NELL2: variants seen among roughly 807,000 people sequenced by gnomAD.
NELL2 encodes neural EGFL like 2, also known as protein kinase C-binding protein NELL2.
Under a neutral mutation model 109.6 loss-of-function variants are expected in NELL2, and 41 were observed. That is an observed-to-expected ratio of 0.37 (90% CI 0.29 to 0.49). The LOEUF (loss-of-function observed/expected upper bound fraction) is 0.49, where lower values mean the gene tolerates loss of function less well. NELL2 is among the 20% of genes least tolerant of loss of function. NELL2 has a pLI of 0.98. For synonymous variants in NELL2, 355 were observed against 344.7 expected (o/e 1.03, Z -0.33); for missense variants, 900 against 1,008.3 (o/e 0.89, Z 1.45).
intron 9 of NELL2, among the ~76,000 whole-genome samples, chr12:44,757,230 T>A (rs1371916118): frequency 6.6e-6 from 1 of 152,194 alleles, no homozygotes; most frequent in Non-Finnish European, 1.5e-5. Context: ...CACAGTCATT[T>A]CCTACCTCAA....
chr12:44,573,143 TC>T (rs1943936020), intron 15 of NELL2, among the ~76,000 whole-genome samples: 1 of 152,206 alleles, frequency 6.6e-6, no homozygotes, highest in Non-Finnish European at 1.5e-5. Context: ...TACAAGACGG[TC>T]CATCAGCTGA....
At chr12:44,623,390 C>CA (rs1946127129) in intron 13 of NELL2, among the ~76,000 whole-genome samples, 1 of 151,052 alleles carries the variant, frequency 6.6e-6, no homozygotes, top group Non-Finnish European at 1.5e-5. Context: ...AGAGTGAAAT[C>CA]TTTTTTTTTG....
At chr12:44,568,521 C>T (rs1439677251) in intron 15 of NELL2, among the ~76,000 whole-genome samples, 1 of 151,974 alleles carries the variant, frequency 6.6e-6, no homozygotes, top group Non-Finnish European at 1.5e-5. Context: ...TTTATCATAT[C>T]ATCACTATAA....
At chr12:44,609,212 A>C (rs1439670002) in intron 14 of NELL2, among the ~76,000 whole-genome samples, 2 of 152,058 alleles carry the variant, frequency 1.3e-5, no homozygotes, top group Middle Eastern at 3.4e-3. Context: ...GGCCCCCCAA[A>C]GTGCTAGGAT....
chr12:44,784,588 T>A (rs1026479932), intron 3 of NELL2, among the ~76,000 whole-genome samples: 3 of 152,050 alleles, frequency 2.0e-5, no homozygotes, highest in Non-Finnish European at 4.4e-5. Context: ...AAAAGAAAAT[T>A]TCAGGCCAAT....
chr12:44,510,478 CT>C lies in NELL2; in HGVS notation c.2401-1495del, dbSNP rs574967922. Among the ~76,000 whole-genome samples, 120 of 152,260 alleles carry C rather than the reference CT, an allele frequency of 7.9e-4. No individual in the cohort carries two copies. In the Middle Eastern group the frequency reaches 0.014, roughly 17 times the overall value. On this transcript the variant is annotated intron_variant, in intron 19 of 19. Coordinates refer to ENST00000429094, the MANE Select transcript of NELL2 (RefSeq NM_001145108.2). ...CTTTTGATGATTGAAATGCATTATA[CT>C]TTAATATGATAAAAACTGAAAGTGT... is the stretch of plus-strand genomic sequence containing the variant.
chr12:44,844,726 T>C (rs530165727), intron 2 of NELL2, among the ~76,000 whole-genome samples: 14 of 152,140 alleles, frequency 9.2e-5, no homozygotes, highest in African/African-American at 3.1e-4. Context: ...CAAATATAAG[T>C]ACATAAAATT....
intron 15 of NELL2, among the ~76,000 whole-genome samples, chr12:44,559,833 T>C (rs1403169983): frequency 6.6e-6 from 1 of 152,196 alleles, no homozygotes; most frequent in East Asian, 1.9e-4. Flanking sequence ...GTGGACTTAA[T>C]AGACATCTAC....
chr12:44,786,806 C>A (rs1375052257), intron 3 of NELL2, among the ~76,000 whole-genome samples: 2 of 152,076 alleles, frequency 1.3e-5, no homozygotes, highest in African/African-American at 4.8e-5. Context: ...TTGTCTCACT[C>A]ATAAGTGGGA....
chr12:44,730,065 G>A (rs1939289890), intron 9 of NELL2, among the ~76,000 whole-genome samples: 2 of 152,038 alleles, frequency 1.3e-5, no homozygotes, highest in Admixed American at 1.3e-4. Flanking sequence ...ATTATATAAA[G>A]ACAAGAGGGT....
At chr12:44,546,340 G>A (rs1291815574) in intron 15 of NELL2, among the ~76,000 whole-genome samples, 3 of 152,114 alleles carry the variant, frequency 2.0e-5, no homozygotes, top group Non-Finnish European at 2.9e-5. Flanking sequence ...GGCTTTGAGC[G>A]AGTGTCATAT....
At position 44,776,050 on chromosome 12, in the gene NELL2, A is replaced by G. The variant is rs1941745250; in HGVS notation, c.863T>C (p.Ile288Thr). ...GCATGTGCAGTTCTTACAGCCGTCT[A>G]TCCAGGACTCAAATTCTCGGTAGGT... ...GTTYREFESWIDGCKNCTCLN... is the reference protein window; with the variant it reads ...GTTYREFESWTDGCKNCTCLN... Residue 288 changes from isoleucine to threonine, a missense_variant, in exon 8 of 20, where the codon ATA (isoleucine) becomes ACA (threonine). Ile to Thr is a moderately conservative substitution (Grantham distance 89, BLOSUM62 -1). Coordinates refer to ENST00000429094, the MANE Select transcript of NELL2 (RefSeq NM_001145108.2). 6.2e-7 allele frequency: 1 copy of G among 1,614,050 alleles called. No homozygotes were observed. Among genetic ancestry groups the G allele is most frequent in the Non-Finnish European group, 8.5e-7 (1 of 1,179,968 alleles).
intron 13 of NELL2, among the ~76,000 whole-genome samples, chr12:44,656,394 C>G (rs541784669): frequency 4.6e-5 from 7 of 152,250 alleles, no homozygotes; most frequent in African/African-American, 1.2e-4. Flanking sequence ...TCCATTGCTC[C>G]AACACAGCTA....
At chr12:44,895,088 G>A (rs1945577977) in intron 1 of NELL2, among the ~76,000 whole-genome samples, 1 of 152,118 alleles carries the variant, frequency 6.6e-6, no homozygotes, top group Non-Finnish European at 1.5e-5. Context: ...GTTGGAGTTG[G>A]CCAGGACAAA....
rs138209577 is a variant in NELL2, at chr12:44,789,512, C to G, written c.336-9490G>C. Among the ~76,000 whole-genome samples, 34 of 152,178 alleles carry G rather than the reference C, an allele frequency of 2.2e-4. No homozygotes were observed. The East Asian group carries it at 6.0e-3, about 27-fold the overall frequency. ...AGACCTTCCCTCTGACAGAACCTAC[C>G]CAAATGAGAAGGCACCAGAAAACCA... On this transcript the variant is annotated intron_variant, in intron 3 of 19. Coordinates refer to ENST00000429094, the MANE Select transcript of NELL2 (RefSeq NM_001145108.2).
chr12:44,779,721 AAGTCTGTGG>A lies in NELL2; in HGVS notation c.539_547del (p.Ser180_Asp182del). 6.2e-7 allele frequency: 1 copy of A among 1,614,020 alleles called. No homozygotes were observed. The highest frequency in any genetic ancestry group is 8.5e-7 in the Non-Finnish European group (1 of 1,179,900). On this transcript the variant is annotated inframe_deletion, in exon 5 of 20. Transcript: ENST00000429094. Reference sequence around the variant, plus strand: ...TAGCCAAAATGTTGTGCCTAGAGGCAAGTCTGTGGAGGGCTTTTCTACTACCCTTTCATA... The same window carrying A: ...TAGCCAAAATGTTGTGCCTAGAGGCAAGGGCTTTTCTACTACCCTTTCATA...
intron 15 of NELL2, among the ~76,000 whole-genome samples, chr12:44,539,258 T>C (rs1278624855): frequency 6.6e-6 from 1 of 152,194 alleles, no homozygotes; most frequent in Non-Finnish European, 1.5e-5. Flanking sequence ...TTCAAAAGCA[T>C]TTTTAATTTG....
intron 12 of NELL2, among the ~76,000 whole-genome samples, chr12:44,670,373 A>AC (rs1948097446): frequency 6.6e-6 from 1 of 152,102 alleles, no homozygotes; most frequent in Non-Finnish European, 1.5e-5. Context: ...CTATAAAAAA[A>AC]CCCCATCAAA....
In NELL2 at chr12:44,892,923, T is replaced by TA. The variant is rs566000030; in HGVS notation, c.39-17024dup. Among the ~76,000 whole-genome samples, 123 of 151,896 alleles carry TA rather than the reference T, an allele frequency of 8.1e-4. 2 individuals carry two copies. In the South Asian group the frequency reaches 0.021, roughly 25 times the overall value. ...AATCTGATCCCAAGATCCAAACTAT[T>TA]AAAAAAAATCATAATCCTACAGAGG... On this transcript the variant is annotated intron_variant, in intron 1 of 20. Transcript: ENST00000333837.
Sources: gnomAD v4.1 joint callset for allele counts (sites outside exome capture counted in the v4.1 genomes callset) on GRCh38, gnomAD v4.1.1 for gene constraint, MANE v1.5 for transcripts, NCBI Gene and HGNC (gene_info 2026-07-23, HGNC 2026-07-21) for gene names.